CREB3L3: variants seen among roughly 807,000 people sequenced by gnomAD.
CREB3L3 encodes cyclic AMP-responsive element-binding protein 3-like protein 3.
A neutral mutation model predicts 44.6 loss-of-function variants in CREB3L3; 40 were observed. The ratio of observed to expected loss-of-function variants is 0.90; its 90% CI spans 0.70 to 1.17. The LOEUF (loss-of-function observed/expected upper bound fraction) is 1.17. CREB3L3 is among the 50% of genes most tolerant of loss of function. CREB3L3 has a pLI of 0.00. For synonymous variants in CREB3L3, 273 were observed against 256.3 expected, an observed-to-expected ratio of 1.06 and a Z score of -0.62; for missense variants, 578 against 595.8, an observed-to-expected ratio of 0.97 and a Z score of 0.31.
At chr19:4,167,533 G>A (rs1434201559) in intron 5 of CREB3L3, among the ~76,000 whole-genome samples, 36 of 114,620 alleles carry the variant, frequency 3.1e-4, no homozygotes, top group Non-Finnish European at 5.0e-4. Flanking sequence ...AGGGAGAAAG[G>A]AAGGAAGGGA....
chr19:4,164,431 G>C, intron 4 of CREB3L3, 72 bp from the exon 5 acceptor site: 2 of 1,596,976 alleles, frequency 1.3e-6, no homozygotes, highest in Non-Finnish European at 1.7e-6. Flanking sequence ...TTTTCGATCT[G>C]ATACCTCTTT....
In CREB3L3 at chr19:4,169,397, G is replaced by A. The variant is rs547131616; in HGVS notation, c.822-743G>A. Among the ~76,000 whole-genome samples, 32 of 151,856 alleles carry A rather than the reference G, an allele frequency of 2.1e-4. No homozygotes were observed. The South Asian group carries it at 3.5e-3, about 17-fold the overall frequency. On this transcript the variant is annotated intron_variant, in intron 6 of 9. Transcript: ENST00000078445. ...CGGGAGGCTGAGGCAGGAGAATGGC[G>A]TGAACCCAGAAGGCAGAGCTTGCAG...
chr19:4,163,637 C>A (rs1053283279), intron 4 of CREB3L3, among the ~76,000 whole-genome samples: 3 of 150,960 alleles, frequency 2.0e-5, no homozygotes, highest in Non-Finnish European at 4.4e-5. Context: ...CTCAGCCTCC[C>A]GAGTAGCTGG....
At chr19:4,156,099 CT>C (rs1465990390) in intron 2 of CREB3L3, among the ~76,000 whole-genome samples, 12 of 141,524 alleles carry the variant, frequency 8.5e-5, no homozygotes. Flanking sequence ...CTCTCTCTCT[CT>C]CTCTCTCTCT....
At chr19:4,156,727 C>G (rs773158635) in intron 2 of CREB3L3, among the ~76,000 whole-genome samples, 5 of 151,596 alleles carry the variant, frequency 3.3e-5, no homozygotes, top group Non-Finnish European at 7.4e-5. Context: ...ATCTCGAACT[C>G]CTGACCTCAA....
chr19:4,163,833 C>T (rs1425451284), intron 4 of CREB3L3, among the ~76,000 whole-genome samples: 2 of 141,048 alleles, frequency 1.4e-5, no homozygotes, highest in South Asian at 2.3e-4. Context: ...GAGACAGAGT[C>T]TTACTCTGTC....
intron 3 of CREB3L3, among the ~76,000 whole-genome samples, chr19:4,158,493 T>A (rs528385472): frequency 2.7e-4 from 40 of 150,824 alleles, no homozygotes; most frequent in African/African-American, 9.3e-4. Context: ...CCAGACTCTG[T>A]CTCGAAAAAA....
At chr19:4,154,135 G>A (rs887199542) in intron 1 of CREB3L3, among the ~76,000 whole-genome samples, 1 of 151,894 alleles carries the variant, frequency 6.6e-6, no homozygotes, top group Admixed American at 6.6e-5. Flanking sequence ...GCAATGGCAC[G>A]ATCTCAGCTC....
chr19:4,157,748 C>T (rs887708206), intron 3 of CREB3L3, among the ~76,000 whole-genome samples: 1 of 152,004 alleles, frequency 6.6e-6, no homozygotes, highest in Non-Finnish European at 1.5e-5. Context: ...TAAAGTGGCG[C>T]GATCTCGGCT....
chr19:4,158,429 G>A (rs2041614731), intron 3 of CREB3L3, among the ~76,000 whole-genome samples: 1 of 152,006 alleles, frequency 6.6e-6, no homozygotes, highest in South Asian at 2.1e-4. Context: ...CCCGGGAGGC[G>A]GAGGTTGCAG....
intron 4 of CREB3L3, among the ~76,000 whole-genome samples, chr19:4,160,374 TAA>T (rs911192391): frequency 6.6e-6 from 1 of 151,862 alleles, no homozygotes; most frequent in African/African-American, 2.4e-5. Flanking sequence ...TTTATCATCT[TAA>T]AAAAGTTTTT....
intron 7 of CREB3L3, among the ~76,000 whole-genome samples, 200 bp from the exon 8 acceptor site, chr19:4,170,891 T>C (rs942143333): frequency 6.6e-6 from 1 of 151,714 alleles, no homozygotes; most frequent in Non-Finnish European, 1.5e-5. Context: ...GCCTGGGCGA[T>C]GGAGCAAGAC....
At position 4,171,576 on chromosome 19, in the gene CREB3L3, C is replaced by T; in HGVS notation, c.1073-80C>T. 6.2e-7 allele frequency: 1 copy of T among 1,602,942 alleles called. No individual in the cohort carries two copies. Among genetic ancestry groups the T allele is most frequent in the Non-Finnish European group, 8.5e-7 (1 of 1,170,144 alleles). ...GGAGAAGACCCCTGTGCCCTTGTTC[C>T]CTGAGGCTGGGGGCCAGGGAAGGGA... On this transcript the variant is annotated intron_variant, in intron 9 of 9. Coordinates refer to ENST00000078445, the MANE Select transcript of CREB3L3 (RefSeq NM_032607.3). This position sits in a 1 kb window ranked among gnomAD's most constrained non-coding sequence, Gnocchi z 4.9.
At chr19:4,155,075 G>A (rs780852231) in intron 2 of CREB3L3, 48 bp downstream of exon 2, 16 of 1,597,944 alleles carry the variant, frequency 1.0e-5, no homozygotes, top group Middle Eastern at 1.8e-4. Context: ...CTCCAGGCGG[G>A]CCAACTGAGG....
chr19:4,164,261 C>T (rs763221611), intron 4 of CREB3L3, among the ~76,000 whole-genome samples: 1 of 152,034 alleles, frequency 6.6e-6, no homozygotes, highest in Non-Finnish European at 1.5e-5. Context: ...GCATGAGCCA[C>T]CGCACCTGGG....
intron 3 of CREB3L3, 27 bp from the exon 4 acceptor site, chr19:4,159,637 G>A: frequency 9.4e-7 from 1 of 1,059,064 alleles, no homozygotes; most frequent in Non-Finnish European, 1.5e-6. Context: ...CACTCTCCCT[G>A]TCTCCGTCCC....
In CREB3L3 at chr19:4,159,444, A is replaced by G. The variant is rs572543179; in HGVS notation, c.458-220A>G. ...GGGAATACAGGCGTGAGCCACCATGACTGGCTGGGTTCCCATCTTATAGCA... is the reference window on the plus strand; with the variant it reads ...GGGAATACAGGCGTGAGCCACCATGGCTGGCTGGGTTCCCATCTTATAGCA... On this transcript the variant is annotated intron_variant, in intron 3 of 9. Coordinates refer to ENST00000078445, the MANE Select transcript of CREB3L3 (RefSeq NM_032607.3). Among the ~76,000 whole-genome samples, 7 of 111,892 alleles carry G rather than the reference A, an allele frequency of 6.3e-5. No individual in the cohort carries two copies. The East Asian group carries it at 1.0e-3, about 16-fold the overall frequency. 73.4% of individuals were successfully genotyped at this position (111,892 alleles called of 152,430 possible). A position where few individuals can be genotyped will look rare whatever the true frequency, so the allele number is the denominator to read the frequency against.
In CREB3L3 at chr19:4,171,637, G is replaced by GC. The variant is rs748512568; in HGVS notation, c.1073-13dup. ...CCACCTCCACCTTGTCCCCTGTGAT[G>GC]CCCCCCTTCCCCAATCAGTGTTCTC... On this transcript the variant is annotated intron_variant, in intron 9 of 9. Coordinates refer to ENST00000078445, the MANE Select transcript of CREB3L3 (RefSeq NM_032607.3). This position sits in a 1 kb window ranked among gnomAD's most constrained non-coding sequence, Gnocchi z 4.9. 1 of 1,612,992 alleles carries GC rather than the reference G, an allele frequency of 6.2e-7. No homozygotes were observed. Among genetic ancestry groups the GC allele is most frequent in the South Asian group, 1.1e-5 (1 of 91,062 alleles).
intron 5 of CREB3L3, among the ~76,000 whole-genome samples, chr19:4,165,755 C>T (rs1966891791): frequency 6.6e-6 from 1 of 151,788 alleles, no homozygotes; most frequent in Non-Finnish European, 1.5e-5. Flanking sequence ...GCTTCTCAGC[C>T]TCCCAGCTTC....
Sources: allele counts gnomAD v4.1 joint callset (sites outside exome capture counted in the v4.1 genomes callset), GRCh38; gene constraint gnomAD v4.1.1; non-coding constraint Gnocchi (gnomAD v3.1); transcripts MANE v1.5; gene names NCBI Gene and HGNC (gene_info 2026-07-23, HGNC 2026-07-21).